Variants in TPST1 observed in about 807,000 individuals in gnomAD.
TPST1 encodes tyrosylprotein sulfotransferase 1.
A neutral mutation model predicts 34.8 loss-of-function variants in TPST1; 20 were observed. The ratio of observed to expected loss-of-function variants is 0.57; its 90% CI spans 0.40 to 0.84. TPST1 has a LOEUF of 0.84. Ranked by LOEUF, TPST1 falls within the 40% of genes least tolerant of loss-of-function variation. TPST1 has a pLI of 0.00. For synonymous variants in TPST1, 152 were observed against 159.4 expected, an observed-to-expected ratio of 0.95 and a Z score of 0.35; for missense variants, 353 against 455.5, an observed-to-expected ratio of 0.78 and a Z score of 2.05.
chr7:66,310,648 AG>A (rs1428072047), intron 3 of TPST1, among the ~76,000 whole-genome samples: 2 of 152,054 alleles, frequency 1.3e-5, no homozygotes, highest in African/African-American at 4.8e-5. Flanking sequence ...CCCTTGCCAC[AG>A]TTCCAGGAAA....
rs759606848 is a variant in TPST1, at chr7:66,241,141, A to G, written c.716A>G (p.Tyr239Cys). The G allele has an allele frequency of 3.7e-6, 6 of 1,614,108 alleles. No individual in the cohort carries two copies. The highest frequency in any genetic ancestry group is 2.2e-5 in the South Asian group (2 of 91,092). ...TATAAAAAGTGCATGTTGGTTCACT[A>G]TGAACAACTTGTCTTACATCCTGAA... ...VGYKKCMLVH[Y>C]EQLVLHPERW... Residue 239 changes from tyrosine to cysteine, a missense_variant, in exon 2 of 6, where the codon TAT (tyrosine) becomes TGT (cysteine). Physicochemically the swap from Tyr to Cys is radical, Grantham distance 194. Transcript: ENST00000304842.
In TPST1 at chr7:66,359,998, G is replaced by A. The variant is rs1792659478; in HGVS notation, c.*133G>A. On this transcript the variant is annotated 3_prime_UTR_variant, in exon 6 of 6. Transcript: ENST00000304842. ...CCTTGGCTGCGCCGCCTGTGCATTT[G>A]CCAGTTTCCTCCCACTGAGAGGATG... 2 of 456,288 alleles carry A rather than the reference G, an allele frequency of 4.4e-6. No individual in the cohort carries two copies. Among genetic ancestry groups the A allele is most frequent in the Admixed American group, 4.7e-5 (2 of 42,550 alleles). 28.3% of individuals were successfully genotyped at this position (456,288 alleles called of 1,614,324 possible).
At chr7:66,266,340 G>C (rs962799847) in intron 2 of TPST1, among the ~76,000 whole-genome samples, 6 of 151,640 alleles carry the variant, frequency 4.0e-5, no homozygotes, top group Non-Finnish European at 8.8e-5. Flanking sequence ...TAAAACCACA[G>C]TGAGATACCC....
chr7:66,235,184 ATTTT>A (rs767189278), intron 1 of TPST1, among the ~76,000 whole-genome samples: 1 of 129,820 alleles, frequency 7.7e-6, no homozygotes. Context: ...TTCTGCATAG[ATTTT>A]TTTTTTTTTT....
rs147713096 is a variant in TPST1 at position 66,286,586 on chromosome 7, G to A, written c.921G>A (p.Pro307=). The change falls in exon 3 of 6, where the codon CCG becomes CCA. Residue 307 remains proline, a synonymous_variant. Coordinates refer to ENST00000304842, the MANE Select transcript of TPST1 (RefSeq NM_003596.4). ...TATCAAAATGGGTTGGGAAGATACC[G>A]CCAGATGTTTTACAAGACATGGCAG... is the stretch of plus-strand genomic sequence containing the variant. The part of the protein sequence containing the change: ...GALSKWVGKI[P]PDVLQDMAVI... 4.3e-5 allele frequency: 69 copies of A among 1,610,172 alleles called. No individual in the cohort carries two copies. In the African/African-American group the frequency reaches 7.9e-4, roughly 18 times the overall value.
At chr7:66,207,202 C>T (rs1023101281) in intron 1 of TPST1, among the ~76,000 whole-genome samples, 2 of 152,162 alleles carry the variant, frequency 1.3e-5, no homozygotes, top group Non-Finnish European at 2.9e-5. Context: ...TTGACTTAAC[C>T]TCTAGATTCC....
intron 3 of TPST1, among the ~76,000 whole-genome samples, chr7:66,298,380 T>C (rs1396434854): frequency 1.3e-5 from 2 of 152,226 alleles, no homozygotes; most frequent in Non-Finnish European, 1.5e-5. Context: ...TTTGTAATTA[T>C]GAAATATTTC....
chr7:66,262,478 G>A (rs1251345196), intron 2 of TPST1, among the ~76,000 whole-genome samples: 1 of 152,126 alleles, frequency 6.6e-6, no homozygotes, highest in African/African-American at 2.4e-5. Context: ...TTCATTAAGG[G>A]TCATCTTGTG....
intron 3 of TPST1, among the ~76,000 whole-genome samples, chr7:66,318,530 G>A (rs1199386936): frequency 1.3e-5 from 2 of 151,094 alleles, no homozygotes; most frequent in African/African-American, 4.9e-5. Context: ...GCAGTGGCAC[G>A]ATCTCAGCTC....
chr7:66,223,086 G>T (rs1789577069), intron 1 of TPST1, among the ~76,000 whole-genome samples: 1 of 151,908 alleles, frequency 6.6e-6, no homozygotes, highest in South Asian at 2.1e-4. Context: ...AATACACCAG[G>T]CTTCTTTTAC....
At position 66,359,600 on chromosome 7, in the gene TPST1, ACAGT is replaced by A. The variant is rs1562859828; in HGVS notation, c.*30-290_*30-287del. 2.8e-4 allele frequency: 82 copies of A among 288,242 alleles called. 2 individuals are homozygous for A. Among genetic ancestry groups the A allele is most frequent in the South Asian group, 2.7e-3 (79 of 29,362 alleles). 17.9% of individuals were successfully genotyped at this position (288,242 alleles called of 1,614,324 possible). A position where few individuals can be genotyped will look rare whatever the true frequency, so the allele number is the denominator to read the frequency against. On this transcript the variant is annotated intron_variant, in intron 5 of 5. Coordinates refer to ENST00000304842, the MANE Select transcript of TPST1 (RefSeq NM_003596.4). ...CCCACAGTAGCAACAATAGCAGATG[ACAGT>A]CAGTTATTTAGAAATGGGCAGGAGC...
chr7:66,279,461 G>A (rs1421181460), intron 2 of TPST1, among the ~76,000 whole-genome samples: 1 of 152,132 alleles, frequency 6.6e-6, no homozygotes, highest in Non-Finnish European at 1.5e-5. Context: ...GGGGGTTACT[G>A]GGTCTAATGG....
intron 2 of TPST1, among the ~76,000 whole-genome samples, chr7:66,251,988 A>G (rs966206797): frequency 7.2e-5 from 11 of 152,192 alleles, no homozygotes; most frequent in African/African-American, 1.9e-4. Flanking sequence ...GTTTCCTTCA[A>G]GAGTTTCTCT....
chr7:66,243,146 GGTGTGTGTGTGTGTGTGTGTGTTT>G (rs1039806132), intron 2 of TPST1, among the ~76,000 whole-genome samples: 3 of 148,480 alleles, frequency 2.0e-5, no homozygotes, highest in African/African-American at 4.9e-5. Flanking sequence ...GATGACAAGG[GGTGTGTGTGTGTGTGTGTGTGTTT>G]GTGTGTGTGT....
chr7:66,308,130 T>C (rs1172689413), intron 3 of TPST1, among the ~76,000 whole-genome samples: 1 of 152,220 alleles, frequency 6.6e-6, no homozygotes, highest in South Asian at 2.1e-4. Context: ...GAGTGTATGA[T>C]GAGCAGCCTA....
chr7:66,202,435 G>T (rs555605132), upstream of TPST1, among the ~76,000 whole-genome samples: 2 of 152,126 alleles, frequency 1.3e-5, no homozygotes, highest in African/African-American at 4.8e-5. Flanking sequence ...TCTAGAATTC[G>T]TTCTCACAGT....
intron 3 of TPST1, among the ~76,000 whole-genome samples, chr7:66,303,946 C>T (rs758174521): frequency 1.4e-4 from 21 of 152,158 alleles, no homozygotes; most frequent in Non-Finnish European, 2.4e-4. Context: ...AGGATTCTGC[C>T]GTAGGTGAGA....
intron 2 of TPST1, among the ~76,000 whole-genome samples, chr7:66,265,702 A>G (rs1039681811): frequency 1.3e-5 from 2 of 152,254 alleles, no homozygotes; most frequent in Admixed American, 6.5e-5. Flanking sequence ...TAGACACATC[A>G]TAATCAAACT....
chr7:66,352,426 C>T (rs1052167153), intron 3 of TPST1, 79 bp from the exon 4 acceptor site: 72 of 1,552,460 alleles, frequency 4.6e-5, no homozygotes, highest in African/African-American at 1.4e-4. Context: ...AACCCGGCCA[C>T]GGTCAGGCAT....
Sources: gnomAD v4.1 joint callset for allele counts (sites outside exome capture counted in the v4.1 genomes callset) on GRCh38, gnomAD v4.1.1 for gene constraint, MANE v1.5 for transcripts, NCBI Gene and HGNC (gene_info 2026-07-23, HGNC 2026-07-21) for gene names.